ANKRD30A: variants seen among roughly 807,000 people sequenced by gnomAD.
ANKRD30A encodes ankyrin repeat domain-containing protein 30A.
In ANKRD30A, 170 loss-of-function variants were observed where a neutral mutation model predicts 166.3. The observed-to-expected ratio is 1.02, with a 90% confidence interval of 0.90 to 1.16. The LOEUF (loss-of-function observed/expected upper bound fraction) is 1.16, where lower values mean the gene tolerates loss of function less well. ANKRD30A is among the 50% of genes most tolerant of loss of function. The pLI is 0.00. For missense variants in ANKRD30A, 1,630 were observed against 1,518.0 expected (o/e 1.07, Z -1.23); for synonymous variants, 564 against 508.9 (o/e 1.11, Z -1.46).
intron 34 of ANKRD30A, among the ~76,000 whole-genome samples, chr10:37,228,261 A>G (rs1219260570): frequency 6.6e-6 from 1 of 152,042 alleles, no homozygotes; most frequent in African/African-American, 2.4e-5. Flanking sequence ...GTTGTATGAT[A>G]TGAAGAAGCA....
chr10:37,166,459 G>C (rs367921895), intron 18 of ANKRD30A, 146 bp from the exon 19 acceptor site: 23 of 739,742 alleles, frequency 3.1e-5, no homozygotes, highest in East Asian at 2.8e-4. Context: ...AAATGTGTTT[G>C]TTTTCTACAT....
In ANKRD30A at chr10:37,158,424, A is replaced by G. The variant is rs375916327; in HGVS notation, c.1827+4A>G. The G allele has an allele frequency of 3.7e-5, 59 of 1,611,394 alleles. No individual in the cohort carries two copies. Among genetic ancestry groups the G allele is most frequent in the Non-Finnish European group, 4.8e-5 (56 of 1,178,084 alleles). On this transcript the variant is annotated splice_donor_region_variant and intron_variant, in intron 14 of 35. Coordinates refer to ENST00000361713, the MANE Select transcript of ANKRD30A (RefSeq NM_052997.3). ...TAATAAAGATGGTCTTCTGAAGGTA[A>G]TAACTTTTATATTTTTGTCTTGAGT...
intron 31 of ANKRD30A, among the ~76,000 whole-genome samples, chr10:37,212,327 T>C (rs1842376834): frequency 6.6e-6 from 1 of 152,120 alleles, no homozygotes; most frequent in East Asian, 1.9e-4. Flanking sequence ...GTGAAGGACC[T>C]CTTCAAGGAG....
chr10:37,248,250 GTTGATCTCAGAA>G, the ANKRD30A span: 1 of 593,724 alleles, frequency 1.7e-6, no homozygotes, highest in African/African-American at 1.9e-5. Flanking sequence ...GGTAAATAAG[GTTGATCTCAGAA>G]TTGTCACCTC....
chr10:37,245,188 A>G, the ANKRD30A span, among the ~76,000 whole-genome samples: 2 of 152,206 alleles, frequency 1.3e-5, no homozygotes, highest in African/African-American at 4.8e-5. Flanking sequence ...AGTATTTGGT[A>G]TAGTTGATCC....
intron 7 of ANKRD30A, among the ~76,000 whole-genome samples, chr10:37,144,122 T>C (rs1230840187): frequency 2.0e-5 from 3 of 152,200 alleles, no homozygotes; most frequent in Non-Finnish European, 2.9e-5. Flanking sequence ...AGGGTTTCTT[T>C]GTCCCTGTGA....
At chr10:37,126,146 TG>T (rs2132497173) in intron 1 of ANKRD30A, 138 bp downstream of exon 1, 16 of 912,266 alleles carry the variant, frequency 1.8e-5, no homozygotes, top group Non-Finnish European at 2.7e-5. Context: ...GCAGCCATCC[TG>T]GGCCCTCGGG....
At chr10:37,164,016 A>G (rs1453440493) in intron 17 of ANKRD30A, among the ~76,000 whole-genome samples, 1 of 143,864 alleles carries the variant, frequency 7.0e-6, no homozygotes, top group Non-Finnish European at 1.5e-5. Context: ...GTACGCTTCT[A>G]AAAATGAGTG....
intron 21 of ANKRD30A, among the ~76,000 whole-genome samples, chr10:37,171,834 G>A (rs1839588597): frequency 6.7e-6 from 1 of 148,934 alleles, no homozygotes; most frequent in African/African-American, 2.5e-5. Flanking sequence ...CTTTTCATCT[G>A]TTTACATGGG....
At chr10:37,233,077 T>C (rs1014350597), downstream of ANKRD30A, among the ~76,000 whole-genome samples, 4 of 152,042 alleles carry the variant, frequency 2.6e-5, no homozygotes, top group African/African-American at 9.7e-5. Flanking sequence ...AAATAGTGTA[T>C]GCTTATGTTA....
Position 37,134,039 on chromosome 10 carries a change from T to C in ANKRD30A, c.741T>C (p.Thr247=). The C allele has an allele frequency of 6.2e-7, 1 of 1,613,926 alleles. No homozygotes were observed. Among genetic ancestry groups the C allele is most frequent in the Non-Finnish European group, 8.5e-7 (1 of 1,179,878 alleles). ...TAACTGCAGAACATTATGCTGTTAC[T>C]TGTGGATTTCATCAGTAAGTGTTTA... ...CGVTAEHYAV[T]CGFHHIHEQI... Residue 247 remains threonine (T), a synonymous_variant, in exon 5 of 36, where the codon ACT becomes ACC. Transcript: ENST00000361713.
intron 24 of ANKRD30A, among the ~76,000 whole-genome samples, chr10:37,182,937 T>G (rs1840126697): frequency 1.3e-5 from 2 of 151,320 alleles, no homozygotes; most frequent in African/African-American, 4.8e-5. Flanking sequence ...ACTGTACATA[T>G]TGTCCTGGAA....
the ANKRD30A span, among the ~76,000 whole-genome samples, chr10:37,239,063 C>T: frequency 6.6e-6 from 1 of 152,092 alleles, no homozygotes; most frequent in African/African-American, 2.4e-5. Flanking sequence ...TGTTGGCATA[C>T]GGGGAGAGAA....
At chr10:37,164,808 T>C (rs1198483464) in intron 17 of ANKRD30A, among the ~76,000 whole-genome samples, 5 of 152,110 alleles carry the variant, frequency 3.3e-5, no homozygotes, top group South Asian at 2.1e-4. Context: ...GCATACTGTG[T>C]TTCACAGGAG....
At chr10:37,195,687 G>A (rs1841022773) in intron 27 of ANKRD30A, among the ~76,000 whole-genome samples, 1 of 152,208 alleles carries the variant, frequency 6.6e-6, no homozygotes, top group African/African-American at 2.4e-5. Context: ...TAGGTGAGGA[G>A]ATCGAGACCA....
At chr10:37,212,492 C>T (rs1046662113) in intron 31 of ANKRD30A, among the ~76,000 whole-genome samples, 3 of 152,044 alleles carry the variant, frequency 2.0e-5, no homozygotes, top group African/African-American at 7.2e-5. Context: ...CTACCAATGA[C>T]CTTCTTCACA....
intron 9 of ANKRD30A, 24 bp from the exon 10 acceptor site, chr10:37,149,627 T>C (rs748514445): frequency 2.6e-5 from 42 of 1,608,736 alleles, no homozygotes; most frequent in Non-Finnish European, 3.4e-5. Flanking sequence ...TTATGATTGA[T>C]GATAAATCTC....
intron 3 of ANKRD30A, among the ~76,000 whole-genome samples, chr10:37,130,601 A>G (rs1189759392): frequency 3.9e-5 from 6 of 152,228 alleles, no homozygotes; most frequent in African/African-American, 1.4e-4. Context: ...TGAATGTGTT[A>G]AAGGTAAAAA....
chr10:37,219,289 G>T lies in ANKRD30A; in HGVS notation c.3577G>T (p.Ala1193Ser). 6.2e-7 allele frequency: 1 copy of T among 1,610,266 alleles called. No individual in the cohort carries two copies. Among genetic ancestry groups the T allele is most frequent in the Non-Finnish European group, 8.5e-7 (1 of 1,177,536 alleles). Reference protein sequence around the residue: ...KEKQDKEILEAEIESHHPRLA... With the variant: ...KEKQDKEILESEIESHHPRLA... ...AAAACAAGACAAAGAAATACTAGAGGCAGAAATTGAATCACACCATCCTAG... is the reference window on the plus strand; with the variant it reads ...AAAACAAGACAAAGAAATACTAGAGTCAGAAATTGAATCACACCATCCTAG... The change falls in exon 34 of 36, where the codon GCA (alanine) becomes TCA (serine). Residue 1193 changes from alanine to serine, a missense_variant. Transcript: ENST00000361713.
Sources: allele counts gnomAD v4.1 joint callset (sites outside exome capture counted in the v4.1 genomes callset), GRCh38; gene constraint gnomAD v4.1.1; transcripts MANE v1.5; gene names NCBI Gene and HGNC (gene_info 2026-07-23, HGNC 2026-07-21).